RPS6KC1: variants seen among roughly 807,000 people sequenced by gnomAD.
RPS6KC1 encodes ribosomal protein S6 kinase C1, also known as inactive ribosomal protein S6 kinase delta-1.
A neutral mutation model predicts 103.8 loss-of-function variants in RPS6KC1; 54 were observed. The observed-to-expected ratio is 0.52, with a 90% CI of 0.42 to 0.65. RPS6KC1 has a LOEUF of 0.65. Among genes scored for constraint, RPS6KC1 ranks in the 30% least tolerant of loss-of-function variants. The pLI, the probability that RPS6KC1 is intolerant of heterozygous loss-of-function variation, is 0.00. For missense variants in RPS6KC1, 1,151 were observed against 1,253.8 expected (o/e 0.92, Z 1.24); for synonymous variants, 439 against 438.7 (o/e 1.00, Z -0.01).
chr1:213,811,979 T>C, the RPS6KC1 span, among the ~76,000 whole-genome samples: 3 of 152,208 alleles, frequency 2.0e-5, no homozygotes, highest in South Asian at 2.1e-4. Flanking sequence ...GTAAATTAGA[T>C]AGTTTTATTG....
At chr1:213,598,883 T>C in the RPS6KC1 span, among the ~76,000 whole-genome samples, 1 of 152,148 alleles carries the variant, frequency 6.6e-6, no homozygotes, top group Admixed American at 6.5e-5. Flanking sequence ...ATTGTGCCAC[T>C]GGACTCCAGC....
At chr1:213,589,816 G>A in the RPS6KC1 span, among the ~76,000 whole-genome samples, 4 of 152,068 alleles carry the variant, frequency 2.6e-5, no homozygotes, top group Non-Finnish European at 5.9e-5. Context: ...AACAGGAATT[G>A]GTCCTGCTCC....
At chr1:213,538,003 C>T in the RPS6KC1 span, among the ~76,000 whole-genome samples, 1 of 152,112 alleles carries the variant, frequency 6.6e-6, no homozygotes, top group Non-Finnish European at 1.5e-5. Flanking sequence ...GTGGATCCAT[C>T]TGAAGCAAGG....
chr1:213,338,637 A>G, the RPS6KC1 span, among the ~76,000 whole-genome samples: 1 of 152,210 alleles, frequency 6.6e-6, no homozygotes, highest in Non-Finnish European at 1.5e-5. Flanking sequence ...GAACAATGGC[A>G]CAGACTTCTC....
In RPS6KC1 at chr1:213,051,308, C is replaced by A; in HGVS notation, c.-97C>A. On this transcript the variant is annotated 5_prime_UTR_variant, in exon 1 of 15. Coordinates refer to ENST00000366960, the MANE Select transcript of RPS6KC1 (RefSeq NM_012424.6). ...CCGCCTTGGAGCCACCGCCCCCTCG[C>A]CGCTTCGCCGCTGCGTTGGGGAACC... is the stretch of plus-strand genomic sequence containing the variant. 1 of 873,534 alleles carries A rather than the reference C, an allele frequency of 1.1e-6. No individual in the cohort carries two copies. 54.1% of individuals were successfully genotyped at this position (873,534 alleles called of 1,614,324 possible). A position where few individuals can be genotyped will look rare whatever the true frequency, so the allele number is the denominator to read the frequency against.
At chr1:213,698,447 A>G in the RPS6KC1 span, among the ~76,000 whole-genome samples, 1 of 152,198 alleles carries the variant, frequency 6.6e-6, no homozygotes, top group Non-Finnish European at 1.5e-5. Context: ...TTATATAACT[A>G]TTGTTTCATT....
the RPS6KC1 span, among the ~76,000 whole-genome samples, chr1:213,497,821 A>G: frequency 6.6e-6 from 1 of 152,120 alleles, no homozygotes; most frequent in African/African-American, 2.4e-5. Flanking sequence ...CTTGGAAAAT[A>G]TAATAAAGGA....
chr1:213,627,521 C>T, the RPS6KC1 span, among the ~76,000 whole-genome samples: 1 of 152,072 alleles, frequency 6.6e-6, no homozygotes, highest in South Asian at 2.1e-4. Flanking sequence ...GGGAATGCTT[C>T]CAGTTTTTGC....
chr1:213,270,961 C>A (rs567179654), intron 14 of RPS6KC1, among the ~76,000 whole-genome samples: 1 of 152,236 alleles, frequency 6.6e-6, no homozygotes, highest in African/African-American at 2.4e-5. Flanking sequence ...AAACCGAAAT[C>A]CTCATACATA....
At chr1:213,713,785 T>C in the RPS6KC1 span, among the ~76,000 whole-genome samples, 1 of 152,238 alleles carries the variant, frequency 6.6e-6, no homozygotes, top group African/African-American at 2.4e-5. Flanking sequence ...AGGTTGTCTG[T>C]CACCAGAACT....
At chr1:213,358,612 G>GT in the RPS6KC1 span, among the ~76,000 whole-genome samples, 2 of 152,158 alleles carry the variant, frequency 1.3e-5, no homozygotes, top group South Asian at 2.1e-4. Context: ...GTGTTGAAGG[G>GT]TTTTTTGTGT....
chr1:213,774,385 C>T, the RPS6KC1 span, among the ~76,000 whole-genome samples: 2 of 152,290 alleles, frequency 1.3e-5, no homozygotes, highest in Admixed American at 6.5e-5. Flanking sequence ...CATGATCCCT[C>T]ATCCACCCTT....
At chr1:213,117,142 C>T (rs1409505039) in intron 4 of RPS6KC1, among the ~76,000 whole-genome samples, 175 bp from the exon 5 acceptor site, 1 of 152,164 alleles carries the variant, frequency 6.6e-6, no homozygotes, top group African/African-American at 2.4e-5. Flanking sequence ...ACGTTTGTTA[C>T]AGTCGATGAG....
the RPS6KC1 span, among the ~76,000 whole-genome samples, chr1:213,676,121 T>G: frequency 6.6e-6 from 1 of 152,312 alleles, no homozygotes; most frequent in Non-Finnish European, 1.5e-5. Flanking sequence ...TTCTATACCT[T>G]TACACGTGTT....
intron 1 of RPS6KC1, among the ~76,000 whole-genome samples, chr1:213,056,515 T>C (rs2077343992): frequency 6.6e-6 from 1 of 152,224 alleles, no homozygotes; most frequent in African/African-American, 2.4e-5. Context: ...GATACGTGAA[T>C]AATAAGTAAC....
chr1:213,445,285 C>A, the RPS6KC1 span, among the ~76,000 whole-genome samples: 1 of 152,162 alleles, frequency 6.6e-6, no homozygotes, highest in Non-Finnish European at 1.5e-5. Context: ...AATGCTTCTG[C>A]GAACATTTCA....
the RPS6KC1 span, among the ~76,000 whole-genome samples, chr1:213,771,123 CTTTG>C: frequency 1.2e-4 from 18 of 150,912 alleles, no homozygotes; most frequent in South Asian, 1.3e-3. Context: ...CTTCTCTCTC[CTTTG>C]TTTGTTTGTT....
At chr1:213,631,306 G>A in the RPS6KC1 span, among the ~76,000 whole-genome samples, 3 of 151,544 alleles carry the variant, frequency 2.0e-5, no homozygotes, top group South Asian at 4.2e-4. Context: ...TGTCGTTCAC[G>A]CTGGGAGCTG....
the RPS6KC1 span, among the ~76,000 whole-genome samples, chr1:213,798,680 CA>C: frequency 6.6e-6 from 1 of 152,292 alleles, no homozygotes; most frequent in Middle Eastern, 3.4e-3. Flanking sequence ...AGACTTAAAT[CA>C]AAATGACTCA....
Sources: allele counts gnomAD v4.1 joint callset (sites outside exome capture counted in the v4.1 genomes callset), GRCh38; gene constraint gnomAD v4.1.1; transcripts MANE v1.5; gene names NCBI Gene and HGNC (gene_info 2026-07-23, HGNC 2026-07-21).